The following ZBTB46 variants were observed in gnomAD, a reference collection of about 807,000 sequenced individuals.
The protein encoded by ZBTB46 is zinc finger and BTB domain-containing protein 46.
ZBTB46 carries 8 observed loss-of-function variants against 44.1 expected under a neutral mutation model. That is an observed-to-expected ratio of 0.18 (90% CI 0.11 to 0.33). The LOEUF is 0.33. Among genes scored for constraint, ZBTB46 ranks in the 10% least tolerant of loss-of-function variants. ZBTB46 has a pLI of 1.00. For synonymous variants in ZBTB46, 409 were observed against 382.3 expected, an observed-to-expected ratio of 1.07 and a Z score of -0.81; for missense variants, 651 against 847.7, an observed-to-expected ratio of 0.77 and a Z score of 2.88.
intron 3 of ZBTB46, among the ~76,000 whole-genome samples, chr20:63,760,357 G>A (rs763131178): frequency 5.3e-5 from 8 of 152,082 alleles, no homozygotes; most frequent in Admixed American, 1.3e-4. Flanking sequence ...TGTTTTCCAG[G>A]AATTTTCCCA....
At chr20:63,831,508 C>G (rs544463683), upstream of ZBTB46, among the ~76,000 whole-genome samples, 61 of 147,196 alleles carry the variant, frequency 4.1e-4, no homozygotes, top group East Asian at 1.4e-3. Context: ...CGTTCTCCCC[C>G]CCGCGGGCAG....
At chr20:63,781,291 A>AGTT (rs2092468367) in intron 2 of ZBTB46, among the ~76,000 whole-genome samples, 1 of 152,204 alleles carries the variant, frequency 6.6e-6, no homozygotes, top group African/African-American at 2.4e-5. Context: ...AGATCTGAAC[A>AGTT]GACACTTCCC....
intron 1 of ZBTB46, among the ~76,000 whole-genome samples, chr20:63,820,500 A>G (rs1215442085): frequency 6.6e-6 from 1 of 151,536 alleles, no homozygotes; most frequent in Non-Finnish European, 1.5e-5. Flanking sequence ...GCAGTGGTGC[A>G]ATCTCGGCTC....
chr20:63,796,409 G>A (rs983480379), intron 1 of ZBTB46, among the ~76,000 whole-genome samples: 1 of 152,352 alleles, frequency 6.6e-6, no homozygotes, highest in Middle Eastern at 3.4e-3. Context: ...CACTCAGCGG[G>A]CAAGAACGAC....
Position 63,775,720 on chromosome 20 carries a change from G to C in ZBTB46, c.1180C>G (p.Leu394Val). Residue 394 changes from leucine to valine, a missense_variant, in exon 3 of 5, where the codon CTG (leucine) becomes GTG (valine). Transcript: ENST00000245663. ...CCTCTGGGCAGGTACTCGAACAGCA[G>C]GGAGCCGTCATCCCCCAGCACGTCG... ...KADVLGDDGS[L>V]LFEYLPRGAH... 1 of 1,607,406 alleles carries C rather than the reference G, an allele frequency of 6.2e-7. No individual in the cohort carries two copies. Among genetic ancestry groups the C allele is most frequent in the East Asian group, 2.2e-5 (1 of 44,814 alleles).
chr20:63,803,677 C>A lies in ZBTB46; in HGVS notation c.-33-12887G>T, dbSNP rs933079685. On this transcript the variant is annotated intron_variant, in intron 1 of 4. Coordinates refer to ENST00000245663, the MANE Select transcript of ZBTB46 (RefSeq NM_001369741.1). The surrounding 1 kb of genome is among the most constrained non-coding windows in gnomAD (Gnocchi z 4.0). ...CCCGGCTCTGACGCCCAGGCCGCCTCCTCCGCCTTCCCGAACCTGGCTACC... is the reference window on the plus strand; with the variant it reads ...CCCGGCTCTGACGCCCAGGCCGCCTACTCCGCCTTCCCGAACCTGGCTACC... Among the ~76,000 whole-genome samples, 2 of 152,118 alleles carry A rather than the reference C, an allele frequency of 1.3e-5. No homozygotes were observed. The highest frequency in any genetic ancestry group is 4.8e-5 in the African/African-American group (2 of 41,428).
At chr20:63,763,158 C>A (rs1396806683) in intron 3 of ZBTB46, among the ~76,000 whole-genome samples, 1 of 152,132 alleles carries the variant, frequency 6.6e-6, no homozygotes, top group African/African-American at 2.4e-5. Context: ...CTGTACCCAG[C>A]CAATAAATAG....
At chr20:63,766,127 C>T (rs1027514531) in intron 3 of ZBTB46, among the ~76,000 whole-genome samples, 2 of 151,516 alleles carry the variant, frequency 1.3e-5, no homozygotes, top group Non-Finnish European at 2.9e-5. Context: ...ACTAATCTCA[C>T]AGTCAGATGC....
At chr20:63,819,304 C>T (rs2092778148) in intron 1 of ZBTB46, among the ~76,000 whole-genome samples, 3 of 152,160 alleles carry the variant, frequency 2.0e-5, no homozygotes, top group Admixed American at 2.0e-4. Context: ...AGAGAGCGCA[C>T]CCGGGATGCT....
chr20:63,775,545 G>C (rs961670330), intron 3 of ZBTB46, 133 bp downstream of exon 3: 7 of 1,219,826 alleles, frequency 5.7e-6, no homozygotes, highest in Non-Finnish European at 6.7e-6. Context: ...CTCACCTCCC[G>C]CAACAGGGAG....
chr20:63,777,925 A>G (rs761495868), intron 2 of ZBTB46, among the ~76,000 whole-genome samples: 3 of 152,196 alleles, frequency 2.0e-5, no homozygotes, highest in Non-Finnish European at 2.9e-5. Context: ...CTGCTGAGTG[A>G]ACAAAGCCAG....
In ZBTB46 at chr20:63,752,484, G is replaced by A. The variant is rs147964056; in HGVS notation, c.1398+202C>T. On this transcript the variant is annotated intron_variant, in intron 4 of 4. Coordinates refer to ENST00000245663, the MANE Select transcript of ZBTB46 (RefSeq NM_001369741.1). This position sits in a 1 kb window ranked among gnomAD's most constrained non-coding sequence, Gnocchi z 5.6. ...AGGGTGGGCCGAAGCCTCTGCAGGGGCCATGTGGCCCAGCCACACCCAGGA... is the reference window on the plus strand; with the variant it reads ...AGGGTGGGCCGAAGCCTCTGCAGGGACCATGTGGCCCAGCCACACCCAGGA... Among the ~76,000 whole-genome samples, 6 of 152,128 alleles carry A rather than the reference G, an allele frequency of 3.9e-5. No individual in the cohort carries two copies. Among genetic ancestry groups the A allele is most frequent in the Middle Eastern group, 3.4e-3 (1 of 292 alleles).
chr20:63,790,473 C>T lies in ZBTB46; in HGVS notation c.285G>A (p.Leu95=). Residue 95 remains leucine (L), a synonymous_variant, in exon 2 of 5, where the codon CTG becomes CTA. Transcript: ENST00000245663. ...CGATGACGTTCCTGCTGGTGAGCGC[C>T]AGGTGCGCTGAGTACATGAAGTCGA... ...AIIDFMYSAH[L]ALTSRNVIEV... is the part of the protein sequence containing the mutation. 1 of 1,613,530 alleles carries T rather than the reference C, an allele frequency of 6.2e-7. No homozygotes were observed. Among genetic ancestry groups the T allele is most frequent in the Non-Finnish European group, 8.5e-7 (1 of 1,180,012 alleles).
chr20:63,760,623 AT>A (rs2092265509), intron 3 of ZBTB46, among the ~76,000 whole-genome samples: 1 of 151,460 alleles, frequency 6.6e-6, no homozygotes, highest in African/African-American at 2.4e-5. Flanking sequence ...CACCTGGCTA[AT>A]TTTTTCTATT....
At position 63,775,866 on chromosome 20, in the gene ZBTB46, T is replaced by C; in HGVS notation, c.1034A>G (p.Glu345Gly). ...GAGGGGAGGGCCCAGATAGCTGGCTTCTCCTCCCAGGAGACCCTCCTCCAC... is the reference window on the plus strand; with the variant it reads ...GAGGGGAGGGCCCAGATAGCTGGCTCCTCCTCCCAGGAGACCCTCCTCCAC... ...AQVEEGLLGG[E>G]ASYLGPPLTP... Residue 345 changes from glutamate (E) to glycine (G), a missense_variant, in exon 3 of 5, where the codon GAA becomes GGA. Physicochemically the swap from Glu to Gly is moderately conservative, Grantham distance 98 (BLOSUM62 -2). This residue lies in a region of ZBTB46 where 385 missense variants were observed against 423.3 expected (regional missense o/e 0.91). Transcript: ENST00000245663. 1.9e-6 allele frequency: 3 copies of C among 1,613,104 alleles called. No individual in the cohort carries two copies. Among genetic ancestry groups the C allele is most frequent in the Non-Finnish European group, 2.5e-6 (3 of 1,179,910 alleles).
At chr20:63,776,069 C>G in intron 2 of ZBTB46, 107 bp from the exon 3 acceptor site, 1 of 1,372,664 alleles carries the variant, frequency 7.3e-7, no homozygotes, top group Non-Finnish European at 9.6e-7. Flanking sequence ...GCCTGAGCTA[C>G]AGAGCAGCAT....
chr20:63,790,479 C>T lies in ZBTB46; in HGVS notation c.279G>A (p.Ala93=), dbSNP rs759898441. The T allele has an allele frequency of 3.5e-5, 56 of 1,613,384 alleles. No homozygotes were observed. In the South Asian group the frequency reaches 5.7e-4, roughly 16 times the overall value. ...FKAIIDFMYS[A]HLALTSRNVI... is the part of the protein sequence containing the mutation. ...CGTTCCTGCTGGTGAGCGCCAGGTG[C>T]GCTGAGTACATGAAGTCGATGATGG... is the stretch of plus-strand genomic sequence containing the variant. The change falls in exon 2 of 5, where the codon GCG becomes GCA. Residue 93 remains alanine, a synonymous_variant. Coordinates refer to ENST00000245663, the MANE Select transcript of ZBTB46 (RefSeq NM_001369741.1).
intron 3 of ZBTB46, among the ~76,000 whole-genome samples, chr20:63,766,205 C>CTTTTTTTTTTT (rs10525501): frequency 1.2e-5 from 1 of 81,702 alleles, no homozygotes; most frequent in Non-Finnish European, 2.2e-5. Context: ...CTGAGAGATC[C>CTTTTTTTTTTT]TTTTTTTTTT....
At chr20:63,770,047 G>A (rs1601426573) in intron 3 of ZBTB46, among the ~76,000 whole-genome samples, 1 of 152,218 alleles carries the variant, frequency 6.6e-6, no homozygotes, top group East Asian at 1.9e-4. Context: ...GCTGTCCCTA[G>A]AATCCTTGAC....
Sources: gnomAD v4.1 joint callset for allele counts (sites outside exome capture counted in the v4.1 genomes callset) on GRCh38, gnomAD v4.1.1 for gene constraint, gnomAD v4.1.1 regional missense constraint, Gnocchi (gnomAD v3.1) non-coding constraint, MANE v1.5 for transcripts, NCBI Gene and HGNC (gene_info 2026-07-23, HGNC 2026-07-21) for gene names.